Variants in MAN1A1 observed in about 807,000 individuals in gnomAD.
The protein encoded by MAN1A1 is mannosidase alpha class 1A member 1, also known as mannosyl-oligosaccharide 1,2-alpha-mannosidase IA.
In MAN1A1, 29 loss-of-function variants were observed where a neutral mutation model predicts 70.8. The ratio of observed to expected loss-of-function variants is 0.41; its 90% CI spans 0.31 to 0.56. The LOEUF (loss-of-function observed/expected upper bound fraction) is 0.56, where lower values mean the gene tolerates loss of function less well. Ranked by LOEUF, MAN1A1 falls within the 20% of genes least tolerant of loss-of-function variation. The probability of loss-of-function intolerance (pLI) is 0.29; values close to 1 mark genes in which losing one functional copy is unlikely to be tolerated. For missense variants in MAN1A1, 747 were observed against 841.3 expected (o/e 0.89, Z 1.39); for synonymous variants, 349 against 330.1 (o/e 1.06, Z -0.62).
chr6:119,258,374 G>T (rs771519507), intron 5 of MAN1A1, among the ~76,000 whole-genome samples: 1 of 152,148 alleles, frequency 6.6e-6, no homozygotes, highest in African/African-American at 2.4e-5. Flanking sequence ...AAAATGTATG[G>T]TTGCATCTGT....
At chr6:119,288,263 G>C (rs1195662372) in intron 5 of MAN1A1, among the ~76,000 whole-genome samples, 12 of 151,992 alleles carry the variant, frequency 7.9e-5, no homozygotes, top group African/African-American at 2.7e-4. Flanking sequence ...ATACTCCTGA[G>C]CCTCAGTGAT....
At chr6:119,222,310 C>CT (rs1253221859) in intron 6 of MAN1A1, among the ~76,000 whole-genome samples, 404 of 127,942 alleles carry the variant, frequency 3.2e-3, no homozygotes, top group Non-Finnish European at 5.4e-3. Flanking sequence ...TATCTTTCAT[C>CT]TTTTTTTTTT....
intron 5 of MAN1A1, among the ~76,000 whole-genome samples, chr6:119,276,001 T>A (rs1181611809): frequency 6.6e-6 from 1 of 152,210 alleles, no homozygotes; most frequent in Non-Finnish European, 1.5e-5. Context: ...TACTGTGTAC[T>A]TGGCACACAA....
chr6:119,268,022 A>T (rs996546639), intron 5 of MAN1A1, among the ~76,000 whole-genome samples: 1 of 152,136 alleles, frequency 6.6e-6, no homozygotes, highest in Non-Finnish European at 1.5e-5. Flanking sequence ...GCAAGACTAT[A>T]GGTGATATGT....
In MAN1A1 at chr6:119,179,585, C is replaced by G. The variant is rs1773093113; in HGVS notation, c.*234G>C. 10 of 295,800 alleles carry G rather than the reference C, an allele frequency of 3.4e-5. No homozygotes were observed. The South Asian group carries it at 4.5e-4, about 13-fold the overall frequency. The allele number at this position is 295,800 out of a possible 1,614,324, so 18.3% of individuals were successfully genotyped here. On this transcript the variant is annotated 3_prime_UTR_variant, in exon 13 of 13. Coordinates refer to ENST00000368468, the MANE Select transcript of MAN1A1 (RefSeq NM_005907.4). ...CATGAAATCCAGAGATAATAGGTTA[C>G]TTAAAAACATAAACAAAAAACTGGT...
At chr6:119,345,458 G>A (rs892128986) in intron 2 of MAN1A1, among the ~76,000 whole-genome samples, 1 of 152,126 alleles carries the variant, frequency 6.6e-6, no homozygotes, top group African/African-American at 2.4e-5. Context: ...AAGGGAGGAA[G>A]ATCTTAATTC....
chr6:119,269,304 C>T (rs145057473), intron 5 of MAN1A1: 20 of 279,446 alleles, frequency 7.2e-5, no homozygotes, highest in East Asian at 2.8e-4. Flanking sequence ...CAGCCAAACT[C>T]GTGAACCAGG....
chr6:119,209,507 C>A (rs143825048), intron 6 of MAN1A1, among the ~76,000 whole-genome samples: 10 of 152,238 alleles, frequency 6.6e-5, no homozygotes, highest in African/African-American at 2.2e-4. Context: ...AAGGTTCAGT[C>A]ATGTATGCAA....
rs758070017 is a variant in MAN1A1, at chr6:119,348,562, G to T, written c.504C>A (p.Phe168Leu). 6.2e-7 allele frequency: 1 copy of T among 1,613,776 alleles called. No homozygotes were observed. Among genetic ancestry groups the T allele is most frequent in the Non-Finnish European group, 8.5e-7 (1 of 1,179,868 alleles). The change falls in exon 2 of 13, where the codon TTC becomes TTA. Residue 168 changes from phenylalanine (F) to leucine (L), a missense_variant. Transcript: ENST00000368468. ...CGAAGTCCACCGGGGGCAGGCCTCT[G>T]AACGGCGCCTTGTCACGCAGCTGGT... ...AQDQLRDKAPFRGLPPVDFVP... is the reference protein window; with the variant it reads ...AQDQLRDKAPLRGLPPVDFVP...
intron 6 of MAN1A1, among the ~76,000 whole-genome samples, chr6:119,241,385 T>C (rs1774999368): frequency 6.6e-6 from 1 of 152,190 alleles, no homozygotes; most frequent in Non-Finnish European, 1.5e-5. Context: ...ACTACATGGC[T>C]CTGATGGCTC....
chr6:119,317,864 T>C (rs1332965227), intron 2 of MAN1A1, among the ~76,000 whole-genome samples: 3 of 151,852 alleles, frequency 2.0e-5, no homozygotes, highest in South Asian at 2.1e-4. Context: ...TCACATATTA[T>C]AGGAAAATTT....
intron 6 of MAN1A1, among the ~76,000 whole-genome samples, chr6:119,211,716 G>A (rs1392572165): frequency 2.0e-5 from 3 of 152,124 alleles, no homozygotes; most frequent in Non-Finnish European, 4.4e-5. Flanking sequence ...TAACAACAGG[G>A]TGGTAACTTC....
chr6:119,227,925 G>A (rs1318459800), intron 6 of MAN1A1, among the ~76,000 whole-genome samples: 2 of 152,154 alleles, frequency 1.3e-5, no homozygotes, highest in Admixed American at 6.5e-5. Context: ...AAAATTTTAA[G>A]AGAATGCACT....
intron 6 of MAN1A1, among the ~76,000 whole-genome samples, chr6:119,224,483 C>T (rs924753800): frequency 2.0e-5 from 3 of 152,154 alleles, no homozygotes; most frequent in African/African-American, 7.2e-5. Context: ...GCAGAAATAC[C>T]AGCTGTCACA....
chr6:119,346,709 A>G (rs1773738656), intron 2 of MAN1A1, among the ~76,000 whole-genome samples: 1 of 152,226 alleles, frequency 6.6e-6, no homozygotes, highest in African/African-American at 2.4e-5. Context: ...ACTCTTGGTC[A>G]GTACCAACAG....
chr6:119,344,051 C>T (rs1053711726), intron 2 of MAN1A1, among the ~76,000 whole-genome samples: 1 of 152,200 alleles, frequency 6.6e-6, no homozygotes, highest in Non-Finnish European at 1.5e-5. Flanking sequence ...TCAATGAATT[C>T]CAACCAATTC....
chr6:119,269,484 C>T (rs181450497), intron 5 of MAN1A1: 18 of 173,698 alleles, frequency 1.0e-4, no homozygotes, highest in East Asian at 1.7e-4. Context: ...ATGCCTCAAG[C>T]GGTCTGCCAA....
chr6:119,231,073 G>T (rs1038485584), intron 6 of MAN1A1, among the ~76,000 whole-genome samples: 1 of 152,152 alleles, frequency 6.6e-6, no homozygotes, highest in Non-Finnish European at 1.5e-5. Context: ...GGCTACATGT[G>T]GATGAACATA....
intron 2 of MAN1A1, among the ~76,000 whole-genome samples, chr6:119,322,415 C>T (rs1773033447): frequency 1.3e-5 from 2 of 152,266 alleles, no homozygotes; most frequent in South Asian, 4.1e-4. Flanking sequence ...ACTCAGATCT[C>T]CGTTCTATTC....
Sources: gnomAD v4.1 joint callset for allele counts (sites outside exome capture counted in the v4.1 genomes callset) on GRCh38, gnomAD v4.1.1 for gene constraint, MANE v1.5 for transcripts, NCBI Gene and HGNC (gene_info 2026-07-23, HGNC 2026-07-21) for gene names.